Variants in COX6B2 observed in about 807,000 individuals in gnomAD.
The protein encoded by COX6B2 is COX VIb-2.
COX6B2 carries 12 observed loss-of-function variants against 13.7 expected under a neutral mutation model. The observed-to-expected ratio is 0.87, with a 90% CI of 0.56 to 1.41. COX6B2 has a LOEUF of 1.41. Among genes scored for constraint, COX6B2 ranks in the 40% most tolerant of loss-of-function variants. The pLI, the probability that COX6B2 is intolerant of heterozygous loss-of-function variation, is 0.00. For missense variants in COX6B2, 130 were observed against 118.3 expected, an observed-to-expected ratio of 1.10 and a Z score of -0.46; for synonymous variants, 56 against 46.6, an observed-to-expected ratio of 1.20 and a Z score of -0.82.
At chr19:55,353,446 G>A (rs1036206384) in intron 4 of COX6B2, 161 bp downstream of exon 4, 2 of 557,220 alleles carry the variant, frequency 3.6e-6, no homozygotes, top group Non-Finnish European at 6.4e-6. Context: ...CCTGTCTTAG[G>A]GCCTTGACTG....
At chr19:55,354,346 T>A in intron 2 of COX6B2, 64 bp downstream of exon 2, 1 of 1,243,262 alleles carries the variant, frequency 8.0e-7, no homozygotes, top group Non-Finnish European at 1.1e-6. Flanking sequence ...AGGGTGGGAG[T>A]GCCCCTCCCT....
At position 55,352,100 on chromosome 19, in the gene COX6B2, T is replaced by C. The variant is rs1380933168; in HGVS notation, c.*115-1300A>G. Reference sequence around the variant, plus strand: ...TGTTACCTGGGTGACCTCACCAACTTAGCTCCATTCTGTGACTCAGAGAGG... The same window carrying C: ...TGTTACCTGGGTGACCTCACCAACTCAGCTCCATTCTGTGACTCAGAGAGG... On this transcript the variant is annotated intron_variant, in intron 4 of 4. Transcript: ENST00000326529. The surrounding 1 kb of genome is among the most constrained non-coding windows in gnomAD (Gnocchi z 6.2). 6.6e-6 allele frequency: 1 copy of C among 152,218 alleles called. No homozygotes were observed. Among genetic ancestry groups the C allele is most frequent in the African/African-American group, 2.4e-5 (1 of 41,404 alleles). The allele number at this position is 152,218 out of a possible 1,614,324, so 9.4% of individuals were successfully genotyped here. A position where few individuals can be genotyped will look rare whatever the true frequency, so the allele number is the denominator to read the frequency against.
At chr19:55,354,261 C>T in intron 2 of COX6B2, 149 bp downstream of exon 2, 1 of 732,684 alleles carries the variant, frequency 1.4e-6, no homozygotes, top group Non-Finnish European at 2.3e-6. Flanking sequence ...TCAGCCCCGC[C>T]TTTTCTCGAC....
At chr19:55,353,798 C>T (rs1361487377) in intron 3 of COX6B2, 24 bp from the exon 4 acceptor site, 4 of 1,599,068 alleles carry the variant, frequency 2.5e-6, no homozygotes, top group Admixed American at 1.7e-5. Context: ...AGGCAGGGAG[C>T]GGGACGCCGG....
intron 4 of COX6B2, among the ~76,000 whole-genome samples, chr19:55,351,203 G>A (rs576963954): frequency 3.3e-5 from 5 of 152,262 alleles, no homozygotes; most frequent in South Asian, 4.1e-4. Flanking sequence ...TCACATCGCC[G>A]TCCTCCCCAC....
rs376805143 is a variant in COX6B2, at chr19:55,354,396, T to G, written c.112+14A>C. 2.3e-5 allele frequency: 37 copies of G among 1,599,430 alleles called. 1 individual carries two copies. In the African/African-American group the frequency reaches 2.6e-4, roughly 11 times the overall value. On this transcript the variant is annotated intron_variant, in intron 2 of 4. Transcript: ENST00000326529. Reference sequence around the variant, plus strand: ...CACCCTGCTCCTCCCATAACCTGGCTGAGCAGGTCTCACCCAGGAAGTTCT... The same window carrying G: ...CACCCTGCTCCTCCCATAACCTGGCGGAGCAGGTCTCACCCAGGAAGTTCT...
At chr19:55,353,497 C>T (rs1321043120) in intron 4 of COX6B2, 110 bp downstream of exon 4, 4 of 599,444 alleles carry the variant, frequency 6.7e-6, no homozygotes, top group Admixed American at 3.0e-5. Context: ...CCACCTGCCC[C>T]TTATCGGAAA....
At chr19:55,351,143 C>G (rs1049874034) in intron 4 of COX6B2, among the ~76,000 whole-genome samples, 2 of 152,208 alleles carry the variant, frequency 1.3e-5, no homozygotes, top group African/African-American at 4.8e-5. Flanking sequence ...AGAGACCCCA[C>G]ACACTGTGAA....
In COX6B2 at chr19:55,354,474, C is replaced by T. The variant is rs371406810; in HGVS notation, c.48G>A (p.Thr16=). ...AQEPPKGKWS[T]PPFDPRFPSQ... ...TGGGGAAGCGCGGGTCGAAGGGCGG[C>T]GTCGACCATTTCCCCTTGGGGGGCT... Residue 16 remains threonine, a synonymous_variant, in exon 2 of 5, where the codon ACG becomes ACA. Transcript: ENST00000326529. 57 of 1,613,938 alleles carry T rather than the reference C, an allele frequency of 3.5e-5. No homozygotes were observed. In the African/African-American group the frequency reaches 5.9e-4, roughly 17 times the overall value.
chr19:55,353,817 C>T (rs1335210593), intron 3 of COX6B2, 43 bp from the exon 4 acceptor site: 1 of 1,592,728 alleles, frequency 6.3e-7, no homozygotes, highest in Non-Finnish European at 8.5e-7. Context: ...GGCTCAGCCT[C>T]GGCCGAGCCC....
chr19:55,354,195 C>T, intron 2 of COX6B2: 1 of 640,732 alleles, frequency 1.6e-6, no homozygotes, highest in African/African-American at 1.8e-5. Context: ...ACGACTCGGC[C>T]CCGCACCTTC....
intron 4 of COX6B2, chr19:55,351,749 G>A (rs111353826): frequency 0.014 from 2,099 of 152,446 alleles, 19 homozygotes; most frequent in Non-Finnish European, 0.022. Context: ...TCAGGAGGCG[G>A]CTACTGGACA....
In COX6B2 at chr19:55,350,741, G is replaced by C. The variant is rs1285306438; in HGVS notation, c.*174C>G. 1 of 152,394 alleles carries C rather than the reference G, an allele frequency of 6.6e-6. No homozygotes were observed. Among genetic ancestry groups the C allele is most frequent in the African/African-American group, 2.4e-5 (1 of 41,458 alleles). 9.4% of individuals were successfully genotyped at this position (152,394 alleles called of 1,614,324 possible). On this transcript the variant is annotated 3_prime_UTR_variant, in exon 5 of 5. Transcript: ENST00000326529. This position sits in a 1 kb window ranked among gnomAD's most constrained non-coding sequence, Gnocchi z 4.2. ...TCCTCTGGTCGAAGCCTGGGCCTGA[G>C]AACCCCATCATACACGTGGAGACCA...
chr19:55,353,454 C>G (rs754099202), intron 4 of COX6B2, 153 bp downstream of exon 4: 1 of 565,506 alleles, frequency 1.8e-6, no homozygotes, highest in Non-Finnish European at 3.2e-6. Flanking sequence ...AGGGCCTTGA[C>G]TGCCTGCTGC....
chr19:55,353,838 T>C (rs747105382), intron 3 of COX6B2, 28 bp downstream of exon 3: 3 of 1,585,188 alleles, frequency 1.9e-6, no homozygotes, highest in Middle Eastern at 1.7e-4. Context: ...TGCACACGCC[T>C]GGCCCGGCGC....
chr19:55,352,062 C>G lies in COX6B2; in HGVS notation c.*115-1262G>C, dbSNP rs1489335251. On this transcript the variant is annotated intron_variant, in intron 4 of 4. Coordinates refer to ENST00000326529, the MANE Select transcript of COX6B2 (RefSeq NM_144613.5). The surrounding 1 kb of genome is among the most constrained non-coding windows in gnomAD (Gnocchi z 6.2). The stretch of plus-strand genomic sequence containing the variant: ...TGCTGTGGCTGCACAGGTGTGGCAC[C>G]CTGTGCTTGGGATGTTACCTGGGTG... 1 of 152,266 alleles carries G rather than the reference C, an allele frequency of 6.6e-6. No homozygotes were observed. The highest frequency in any genetic ancestry group is 2.4e-5 in the African/African-American group (1 of 41,398). 9.4% of individuals were successfully genotyped at this position (152,266 alleles called of 1,614,324 possible).
chr19:55,353,818 G>C (rs1234005093), intron 3 of COX6B2, 44 bp from the exon 4 acceptor site: 4 of 1,592,986 alleles, frequency 2.5e-6, no homozygotes, highest in Middle Eastern at 1.7e-4. Flanking sequence ...GCTCAGCCTC[G>C]GCCGAGCCCT....
chr19:55,349,906 T>C lies in COX6B2; in HGVS notation c.*1009A>G, dbSNP rs1165450574. ...ACTTTGGGAGGCTGAGGTGGGCAGA[T>C]TGCCTGAGGTCAGGAGTTTGAGACC... is the stretch of plus-strand genomic sequence containing the variant. On this transcript the variant is annotated 3_prime_UTR_variant, in exon 5 of 5. Transcript: ENST00000326529. 6.6e-6 allele frequency: 1 copy of C among 151,930 alleles called. No homozygotes were observed. Among genetic ancestry groups the C allele is most frequent in the Non-Finnish European group, 1.5e-5 (1 of 68,018 alleles). The allele number at this position is 151,930 out of a possible 1,614,324, so 9.4% of individuals were successfully genotyped here. A position where few individuals can be genotyped will look rare whatever the true frequency, so the allele number is the denominator to read the frequency against.
Position 55,353,734 on chromosome 19 carries a change from G to T in COX6B2, c.254C>A (p.Ala85Asp). The T allele has an allele frequency of 1.9e-6, 3 of 1,609,814 alleles. No homozygotes were observed. Among genetic ancestry groups the T allele is most frequent in the African/African-American group, 1.3e-5 (1 of 74,962 alleles). The change falls in exon 4 of 5, where the codon GCC becomes GAC. Residue 85 changes from alanine (A) to aspartate (D), a missense_variant. Transcript: ENST00000326529. Reference protein sequence around the residue: ...WNEQIKNGIFAGKI With the variant: ...WNEQIKNGIFDGKI ...GCGCTGGGGCAGTCAGATTTTGCCG[G>T]CGAAAATCCCGTTCTTGATCTGCTC...
Sources: allele counts gnomAD v4.1 joint callset (sites outside exome capture counted in the v4.1 genomes callset), GRCh38; gene constraint gnomAD v4.1.1; non-coding constraint Gnocchi (gnomAD v3.1); transcripts MANE v1.5; gene names NCBI Gene and HGNC (gene_info 2026-07-23, HGNC 2026-07-21).